Variants in TRNT1 observed in about 807,000 individuals in gnomAD.
The protein encoded by TRNT1 is tRNA nucleotidyl transferase 1.
TRNT1 carries 44 observed loss-of-function variants against 45.6 expected under a neutral mutation model. The ratio of observed to expected loss-of-function variants is 0.97; its 90% CI spans 0.76 to 1.24. TRNT1 has a LOEUF of 1.24. Among genes scored for constraint, TRNT1 ranks in the 50% most tolerant of loss-of-function variants. TRNT1 has a pLI of 0.00. For missense variants in TRNT1, 633 were observed against 504.4 expected (o/e 1.25, Z -2.44); for synonymous variants, 201 against 171.4 (o/e 1.17, Z -1.35).
downstream of TRNT1, among the ~76,000 whole-genome samples, chr3:3,151,260 G>C (rs116054293): frequency 6.6e-6 from 1 of 152,086 alleles, no homozygotes; most frequent in South Asian, 2.1e-4. Flanking sequence ...CTTAAGCCAT[G>C]TTTACATTTT....
intron 4 of TRNT1, 112 bp downstream of exon 4, chr3:3,140,760 T>TA: frequency 1.5e-6 from 2 of 1,346,192 alleles, no homozygotes; most frequent in Admixed American, 4.3e-5. Context: ...TAATTTCTTC[T>TA]AAGAGATGGT....
rs1179764566 is a variant in TRNT1 at position 3,137,424 on chromosome 3, G to C, written c.313G>C (p.Gly105Arg). 6.2e-7 allele frequency: 1 copy of C among 1,612,920 alleles called. No individual in the cohort carries two copies. Among genetic ancestry groups the C allele is most frequent in the Admixed American group, 1.7e-5 (1 of 59,830 alleles). Residue 105 changes from glycine to arginine, a missense_variant, in exon 3 of 8, where the codon GGA becomes CGA. Physicochemically the swap from Gly to Arg is moderately radical, Grantham distance 125 (BLOSUM62 -2). Transcript: ENST00000251607. ...SAGIRMINNR[G>R]EKHGTITARL... The stretch of plus-strand genomic sequence containing the variant: ...TGGGATTCGGATGATAAACAACAGA[G>C]GAGAAAAGCACGGAACAATTACTGC...
intron 2 of TRNT1, chr3:3,130,340 A>G (rs1704934914): frequency 5.3e-6 from 1 of 190,048 alleles, no homozygotes; most frequent in Non-Finnish European, 1.1e-5. Flanking sequence ...TGATGCACAG[A>G]AGATAGACGA....
rs1381547637 is a variant in TRNT1 at position 3,148,849 on chromosome 3, G to GATAAATA, written c.*696_*702dup. 3 of 152,088 alleles carry GATAAATA rather than the reference G, an allele frequency of 2.0e-5. No homozygotes were observed. The highest frequency in any genetic ancestry group is 7.2e-5 in the African/African-American group (3 of 41,418). 9.4% of individuals were successfully genotyped at this position (152,088 alleles called of 1,614,324 possible). On this transcript the variant is annotated 3_prime_UTR_variant, in exon 8 of 8. Coordinates refer to ENST00000251607, the MANE Select transcript of TRNT1 (RefSeq NM_182916.3). The stretch of plus-strand genomic sequence containing the variant: ...AATAAAACAAACATTGGTATTGGAA[G>GATAAATA]ATAAATATGTTTATGTGGTATCTGA...
chr3:3,152,681 G>A (rs1025385189), downstream of TRNT1: 9 of 1,436,268 alleles, frequency 6.3e-6, no homozygotes, highest in African/African-American at 4.2e-5. Context: ...CAAGAAATGA[G>A]GTATGAGCTA....
rs146766859 is a variant in TRNT1 at position 3,148,123 on chromosome 3, A to G, written c.1274A>G (p.Asp425Gly). The G allele has an allele frequency of 8.7e-6, 14 of 1,613,790 alleles. No individual in the cohort carries two copies. Among genetic ancestry groups the G allele is most frequent in the Non-Finnish European group, 1.2e-5 (14 of 1,179,766 alleles). ...AAAAGTGGTTACCAAATGGAAAAAGATGAACTTCTGAGTTACATAAAGAAG... is the reference window on the plus strand; with the variant it reads ...AAAAGTGGTTACCAAATGGAAAAAGGTGAACTTCTGAGTTACATAAAGAAG... ...WKKSGYQMEKDELLSYIKKT is the reference protein window; with the variant it reads ...WKKSGYQMEKGELLSYIKKT The change falls in exon 8 of 8, where the codon GAT becomes GGT. Residue 425 changes from aspartate to glycine, a missense_variant. Asp to Gly is a moderately conservative substitution (Grantham distance 94). Transcript: ENST00000251607.
chr3:3,143,620 G>GT (rs1705799527), intron 4 of TRNT1, among the ~76,000 whole-genome samples: 1 of 152,218 alleles, frequency 6.6e-6, no homozygotes, highest in Non-Finnish European at 1.5e-5. Context: ...GCTTATGCCT[G>GT]TAACCCTAGC....
chr3:3,152,169 T>TAGAC (rs1218900023), downstream of TRNT1, among the ~76,000 whole-genome samples: 3 of 108,860 alleles, frequency 2.8e-5, no homozygotes, highest in East Asian at 2.1e-4. Flanking sequence ...TTTTTTTAAA[T>TAGAC]AGACAGATTC....
chr3:3,148,037 G>A lies in TRNT1; in HGVS notation c.1188G>A (p.Val396=). 1 of 1,613,932 alleles carries A rather than the reference G, an allele frequency of 6.2e-7. No homozygotes were observed. Among genetic ancestry groups the A allele is most frequent in the East Asian group, 2.2e-5 (1 of 44,870 alleles). ...FPVSGHDIRK[V]GISSGKEIGA... ...TAAGTGGCCATGACATCAGAAAAGT[G>A]GGCATTTCTTCAGGAAAAGAAATTG... The change falls in exon 8 of 8, where the codon GTG becomes GTA. Residue 396 remains valine (V), a synonymous_variant. Transcript: ENST00000251607.
rs1705876872 is a variant in TRNT1, at chr3:3,144,714, A to G, written c.608+4A>G. ...TTAGAATTTTAAGATACTTCAGGTA[A>G]GAATTTTTAAAAATAAAAAATGATA... On this transcript the variant is annotated splice_donor_region_variant and intron_variant, in intron 5 of 7. Transcript: ENST00000251607. The G allele has an allele frequency of 5.3e-6, 8 of 1,523,590 alleles. No homozygotes were observed. Among genetic ancestry groups the G allele is most frequent in the Non-Finnish European group, 7.1e-6 (8 of 1,125,874 alleles). The allele number at this position is 1,523,590 out of a possible 1,614,324, so 94.4% of individuals were successfully genotyped here.
chr3:3,149,101 T>TAAC (rs1468340166), downstream of TRNT1: 1 of 152,138 alleles, frequency 6.6e-6, no homozygotes, highest in Non-Finnish European at 1.5e-5. Flanking sequence ...TAGCCAGTCA[T>TAAC]AACATCTTTG....
downstream of TRNT1, chr3:3,151,089 A>T: frequency 1.3e-6 from 2 of 1,594,874 alleles, no homozygotes; most frequent in South Asian, 2.2e-5. Context: ...ACATTTCTGT[A>T]CTCCAAGCCT....
chr3:3,141,109 G>T (rs1705621798), intron 4 of TRNT1, among the ~76,000 whole-genome samples: 1 of 152,096 alleles, frequency 6.6e-6, no homozygotes, highest in Non-Finnish European at 1.5e-5. Flanking sequence ...AAATCCCTGG[G>T]TTCAAATTCT....
At chr3:3,146,005 A>G (rs969061790) in intron 5 of TRNT1, among the ~76,000 whole-genome samples, 3 of 150,664 alleles carry the variant, frequency 2.0e-5, no homozygotes, top group Admixed American at 6.7e-5. Context: ...CAGACAGGCA[A>G]GCTTTGAGGA....
At chr3:3,138,091 T>A (rs1705436842) in intron 3 of TRNT1, among the ~76,000 whole-genome samples, 1 of 152,236 alleles carries the variant, frequency 6.6e-6, no homozygotes, top group Admixed American at 6.5e-5. Context: ...TGGTGCTGTC[T>A]TCCTGCTCCA....
At chr3:3,133,415 C>T (rs751361220) in intron 2 of TRNT1, among the ~76,000 whole-genome samples, 3 of 151,938 alleles carry the variant, frequency 2.0e-5, no homozygotes, top group Admixed American at 6.6e-5. Context: ...TAAATTTAGC[C>T]AGTTACAGTG....
chr3:3,140,424 A>G (rs746785970), intron 3 of TRNT1, 86 bp from the exon 4 acceptor site: 10 of 1,408,392 alleles, frequency 7.1e-6, no homozygotes, highest in Non-Finnish European at 9.7e-6. Context: ...CCATCCCTTT[A>G]TAAAGACAAA....
rs1170338013 is a variant in TRNT1 at position 3,126,976 on chromosome 3, GCAA to G, written c.-39_-37del. 1 of 152,974 alleles carries G rather than the reference GCAA, an allele frequency of 6.5e-6. No individual in the cohort carries two copies. The highest frequency in any genetic ancestry group is 6.5e-5 in the Admixed American group (1 of 15,302). 9.5% of individuals were successfully genotyped at this position (152,974 alleles called of 1,614,324 possible). On this transcript the variant is annotated 5_prime_UTR_variant, in exon 1 of 8. Transcript: ENST00000251607. ...GCGCGTGGCGGCGGTGGCGGCTGCGGCAACAGCGGGGCCGGTAAGCGGGCGCGC... is the reference window on the plus strand; with the variant it reads ...GCGCGTGGCGGCGGTGGCGGCTGCGGCAGCGGGGCCGGTAAGCGGGCGCGC...
chr3:3,151,637 A>G (rs1423744891), downstream of TRNT1, among the ~76,000 whole-genome samples: 1 of 152,202 alleles, frequency 6.6e-6, no homozygotes, highest in Non-Finnish European at 1.5e-5. Flanking sequence ...ACATTTATTT[A>G]TAGTAACAAA....
Sources: gnomAD v4.1 joint callset for allele counts (sites outside exome capture counted in the v4.1 genomes callset) on GRCh38, gnomAD v4.1.1 for gene constraint, MANE v1.5 for transcripts, NCBI Gene and HGNC (gene_info 2026-07-23, HGNC 2026-07-21) for gene names.